The following PCNX1 variants were observed in gnomAD, a reference collection of about 807,000 sequenced individuals.
PCNX1 encodes the protein pecanex 1.
PCNX1 carries 78 observed loss-of-function variants against 242.2 expected under a neutral mutation model. The observed-to-expected ratio is 0.32, with a 90% confidence interval of 0.27 to 0.39. PCNX1 has a LOEUF of 0.39. Among genes scored for constraint, PCNX1 ranks in the 10% least tolerant of loss-of-function variants. The pLI is 1.00. For missense variants in PCNX1, 2,581 were observed against 2,856.5 expected, an observed-to-expected ratio of 0.90 and a Z score of 2.20; for synonymous variants, 1,024 against 1,032.9, an observed-to-expected ratio of 0.99 and a Z score of 0.17.
chr14:70,919,795 G>A (rs974707129), intron 1 of PCNX1, among the ~76,000 whole-genome samples: 3 of 130,898 alleles, frequency 2.3e-5, no homozygotes, highest in Non-Finnish European at 3.1e-5. Flanking sequence ...TTTATCCCTG[G>A]AACCTGAGCA....
chr14:70,950,130 A>G (rs1397489185), intron 2 of PCNX1, among the ~76,000 whole-genome samples: 1 of 152,148 alleles, frequency 6.6e-6, no homozygotes, highest in East Asian at 1.9e-4. Flanking sequence ...TCTTAACATG[A>G]GTACCCTGTT....
chr14:70,987,767 C>T (rs1207407882), intron 6 of PCNX1, among the ~76,000 whole-genome samples: 1 of 152,066 alleles, frequency 6.6e-6, no homozygotes, highest in African/African-American at 2.4e-5. Context: ...TTGTGATGTT[C>T]TCATGTTGTA....
chr14:70,977,983 T>G lies in PCNX1; in HGVS notation c.1646T>G (p.Val549Gly). ...GATGTTCGACCTAAATCTTCTAGCG[T>G]AATCCATCGGACAGCTTCTGCCCAC... ...EGDVRPKSSS[V>G]IHRTASAHKS... is the part of the protein sequence containing the mutation. Residue 549 changes from valine to glycine, a missense_variant, in exon 6 of 36, where the codon GTA (valine) becomes GGA (glycine). Val to Gly is a moderately radical substitution (Grantham distance 109, BLOSUM62 -3). Around this residue, in one of 9 missense-constraint regions of PCNX1, gnomAD observed 1,204 missense variants for 1,216.7 expected, o/e 0.99. Coordinates refer to ENST00000304743, the MANE Select transcript of PCNX1 (RefSeq NM_014982.3). 6.2e-7 allele frequency: 1 copy of G among 1,614,166 alleles called. No homozygotes were observed. Among genetic ancestry groups the G allele is most frequent in the South Asian group, 1.1e-5 (1 of 91,080 alleles).
At chr14:71,020,942 G>A (rs1403347926) in intron 12 of PCNX1, among the ~76,000 whole-genome samples, 1 of 152,124 alleles carries the variant, frequency 6.6e-6, no homozygotes, top group Non-Finnish European at 1.5e-5. Context: ...TTTGTATAAG[G>A]TGTAAGGAAG....
In PCNX1 at chr14:71,099,159, A is replaced by ATT. The variant is rs35488754; in HGVS notation, c.5590-2815_5590-2814dup. ...CAAGAGTATGGTTACTATTATTTTG[A>ATT]TTTTTTTTTTTTTTTTTGAGACGGA... On this transcript the variant is annotated intron_variant, in intron 30 of 35. Transcript: ENST00000304743. 6.6e-3 allele frequency among the ~76,000 whole-genome samples: 874 copies of ATT among 131,458 alleles called. 13 individuals are homozygous for ATT. Among genetic ancestry groups the ATT allele is most frequent in the South Asian group, 0.016 (65 of 4,166 alleles). 86.2% of individuals were successfully genotyped at this position (131,458 alleles called of 152,430 possible).
In PCNX1 at chr14:71,024,745, C is replaced by T. The variant is rs545904225; in HGVS notation, c.3184-1372C>T. Among the ~76,000 whole-genome samples the T allele has an allele frequency of 7.2e-5, 11 of 152,164 alleles. No individual in the cohort carries two copies. The South Asian group carries it at 1.0e-3, about 14-fold the overall frequency. On this transcript the variant is annotated intron_variant, in intron 13 of 35. Transcript: ENST00000304743. ...CCAGCTAATTCTTTGCTTGAGGGTGCGGAATGCTGTCCAATGCATTGTAGG... is the reference window on the plus strand; with the variant it reads ...CCAGCTAATTCTTTGCTTGAGGGTGTGGAATGCTGTCCAATGCATTGTAGG...
At chr14:71,047,462 T>C (rs2060896792) in intron 21 of PCNX1, among the ~76,000 whole-genome samples, 1 of 152,154 alleles carries the variant, frequency 6.6e-6, no homozygotes, top group Admixed American at 6.5e-5. Context: ...TAGGTACCTA[T>C]TGTTGAGTCA....
At chr14:71,075,550 A>T (rs888826565) in intron 27 of PCNX1, among the ~76,000 whole-genome samples, 1 of 128,476 alleles carries the variant, frequency 7.8e-6, no homozygotes, top group Non-Finnish European at 1.7e-5. Flanking sequence ...AATGCAGCAC[A>T]GTAAAGTTTT....
chr14:71,067,886 T>C (rs921360998), intron 26 of PCNX1, among the ~76,000 whole-genome samples: 3 of 152,050 alleles, frequency 2.0e-5, no homozygotes, highest in African/African-American at 7.2e-5. Context: ...ATTATAGTAG[T>C]CATTCAGGAG....
intron 35 of PCNX1, 94 bp from the exon 36 acceptor site, chr14:71,109,701 A>G: frequency 6.4e-7 from 1 of 1,569,686 alleles, no homozygotes; most frequent in Non-Finnish European, 8.7e-7. Context: ...ATTTTCAGAC[A>G]AAATTGCTAC....
In PCNX1 at chr14:71,109,574, G is replaced by A. The variant is rs2062712317; in HGVS notation, c.6867G>A (p.Gln2289=). The A allele has an allele frequency of 1.2e-6, 2 of 1,614,202 alleles. No individual in the cohort carries two copies. Among genetic ancestry groups the A allele is most frequent in the South Asian group, 1.1e-5 (1 of 91,082 alleles). Reference sequence around the variant, plus strand: ...ATAGCTGGAAAGACTGGAGTCCGCAGGAGGGCATGGAAGGCCATGTAAGTT... The same window carrying A: ...ATAGCTGGAAAGACTGGAGTCCGCAAGAGGGCATGGAAGGCCATGTAAGTT... ...GRNSWKDWSP[Q]EGMEGHVIHR... The change falls in exon 35 of 36, where the codon CAG becomes CAA. Residue 2289 remains glutamine, a synonymous_variant. Transcript: ENST00000304743.
chr14:71,035,273 A>G (rs1327885601), intron 18 of PCNX1, among the ~76,000 whole-genome samples: 1 of 152,110 alleles, frequency 6.6e-6, no homozygotes, highest in Non-Finnish European at 1.5e-5. Flanking sequence ...TCCTTTCCCC[A>G]TATGTGAAAG....
chr14:70,910,331 A>G (rs927906724), intron 1 of PCNX1, among the ~76,000 whole-genome samples: 2 of 149,118 alleles, frequency 1.3e-5, no homozygotes, highest in South Asian at 2.2e-4. Flanking sequence ...ATGAGGTTCA[A>G]TGCTTTTGTT....
intron 19 of PCNX1, among the ~76,000 whole-genome samples, chr14:71,037,567 C>CAT (rs2060577830): frequency 6.7e-6 from 1 of 149,104 alleles, no homozygotes; most frequent in African/African-American, 2.5e-5. Flanking sequence ...TTGTCTTTGG[C>CAT]TCTGTTTATA....
chr14:70,949,270 CACACACGTGTAT>C (rs2057652332), intron 2 of PCNX1, among the ~76,000 whole-genome samples: 1 of 21,866 alleles, frequency 4.6e-5, no homozygotes, highest in Admixed American at 3.7e-4. Context: ...CACGTGTATG[CACACACGTGTAT>C]ACACACACGT....
intron 19 of PCNX1, among the ~76,000 whole-genome samples, chr14:71,038,821 C>T (rs1445860685): frequency 2.7e-5 from 4 of 150,254 alleles, no homozygotes; most frequent in African/African-American, 1.0e-4. Flanking sequence ...TGGAACCAAC[C>T]CAAATGTCCA....
At chr14:71,053,197 C>T in intron 24 of PCNX1, 1 of 443,264 alleles carries the variant, frequency 2.3e-6, no homozygotes, top group South Asian at 1.6e-5. Context: ...CCAATTAGCC[C>T]AAAGTAATGT....
At position 71,114,613 on chromosome 14, in the gene PCNX1, C is replaced by CTGAT. The variant is rs2062818227; in HGVS notation, c.*4681_*4684dup. ...CTTACATTCTTTGGTGGAACTAGAG[C>CTGAT]TGATTGTCACCACAAGGTTATATGA... On this transcript the variant is annotated 3_prime_UTR_variant, in exon 36 of 36. Transcript: ENST00000304743. The CTGAT allele has an allele frequency of 3.3e-5, 5 of 152,570 alleles. 1 individual carries two copies. The South Asian group carries it at 6.2e-4, about 19-fold the overall frequency. The allele number at this position is 152,570 out of a possible 1,614,324, so 9.5% of individuals were successfully genotyped here.
At chr14:70,942,044 C>T (rs932154637) in intron 1 of PCNX1, among the ~76,000 whole-genome samples, 16 of 152,200 alleles carry the variant, frequency 1.1e-4, no homozygotes, top group African/African-American at 3.9e-4. Context: ...CTTCCCTTGG[C>T]TAGGAAAGGG....
Sources: gnomAD v4.1 joint callset for allele counts (sites outside exome capture counted in the v4.1 genomes callset) on GRCh38, gnomAD v4.1.1 for gene constraint, gnomAD v4.1.1 regional missense constraint, MANE v1.5 for transcripts, NCBI Gene and HGNC (gene_info 2026-07-23, HGNC 2026-07-21) for gene names.